The following MMP16 variants were observed in gnomAD, a reference collection of about 807,000 sequenced individuals.
The protein encoded by MMP16 is matrix metalloproteinase-16.
A neutral mutation model predicts 67.8 loss-of-function variants in MMP16; 12 were observed. The observed-to-expected ratio is 0.18, with a 90% confidence interval of 0.11 to 0.29. The LOEUF (loss-of-function observed/expected upper bound fraction) is 0.29, where lower values mean the gene tolerates loss of function less well. MMP16 is among the 10% of genes least tolerant of loss of function. MMP16 has a pLI of 1.00. For missense variants in MMP16, 475 were observed against 765.7 expected, an observed-to-expected ratio of 0.62 and a Z score of 4.48; for synonymous variants, 249 against 255.9, an observed-to-expected ratio of 0.97 and a Z score of 0.26.
At chr8:88,133,908 T>C (rs1720207476) in intron 4 of MMP16, among the ~76,000 whole-genome samples, 1 of 151,584 alleles carries the variant, frequency 6.6e-6, no homozygotes, top group South Asian at 2.1e-4. Flanking sequence ...TTGAAACATA[T>C]AAAAAATAAA....
chr8:88,240,168 T>G (rs1413910778), intron 1 of MMP16, among the ~76,000 whole-genome samples: 1 of 152,204 alleles, frequency 6.6e-6, no homozygotes, highest in Non-Finnish European at 1.5e-5. Context: ...CATGAACCCT[T>G]TCTGTGTCAT....
intron 1 of MMP16, among the ~76,000 whole-genome samples, chr8:88,296,064 A>G (rs1442770830): frequency 1.3e-5 from 2 of 152,242 alleles, no homozygotes; most frequent in Non-Finnish European, 2.9e-5. Context: ...AATAGAATAC[A>G]TAAGATGGTG....
intron 4 of MMP16, among the ~76,000 whole-genome samples, chr8:88,157,600 C>G (rs1808532449): frequency 6.6e-6 from 1 of 151,726 alleles, no homozygotes; most frequent in Non-Finnish European, 1.5e-5. Context: ...CTCCTCTATC[C>G]CACCACAGCG....
At chr8:88,314,792 T>C (rs1264888526) in intron 1 of MMP16, among the ~76,000 whole-genome samples, 2 of 152,174 alleles carry the variant, frequency 1.3e-5, no homozygotes, top group East Asian at 1.9e-4. Flanking sequence ...ACAGATCAGT[T>C]CTCAACTGCA....
intron 3 of MMP16, among the ~76,000 whole-genome samples, chr8:88,171,800 T>C (rs952975203): frequency 3.3e-5 from 5 of 151,954 alleles, no homozygotes; most frequent in African/African-American, 1.2e-4. Context: ...CTTATTTAAA[T>C]ATATATGATG....
chr8:88,266,554 G>A (rs775627148), intron 1 of MMP16, among the ~76,000 whole-genome samples: 1 of 152,100 alleles, frequency 6.6e-6, no homozygotes, highest in Admixed American at 6.6e-5. Flanking sequence ...AATCTTTATG[G>A]CATTGTACTT....
intron 6 of MMP16, among the ~76,000 whole-genome samples, chr8:88,091,363 C>A (rs1264496510): frequency 6.6e-6 from 1 of 151,714 alleles, no homozygotes; most frequent in Non-Finnish European, 1.5e-5. Flanking sequence ...GAAATTGTGA[C>A]CGTGAGGACA....
intron 1 of MMP16, among the ~76,000 whole-genome samples, chr8:88,282,779 T>C (rs1810762036): frequency 6.6e-6 from 1 of 152,216 alleles, no homozygotes; most frequent in Non-Finnish European, 1.5e-5. Flanking sequence ...AAATGCTTTT[T>C]GGCATTCTTC....
In MMP16 at chr8:88,265,223, C is replaced by CTTTTTTTTTTTTTT. The variant is rs398008661; in HGVS notation, c.132+61838_132+61851dup. Among the ~76,000 whole-genome samples, 11 of 100,760 alleles carry CTTTTTTTTTTTTTT rather than the reference C, an allele frequency of 1.1e-4. 1 individual carries two copies. Among genetic ancestry groups the CTTTTTTTTTTTTTT allele is most frequent in the South Asian group, 3.7e-4 (1 of 2,736 alleles). 66.1% of individuals were successfully genotyped at this position (100,760 alleles called of 152,430 possible). On this transcript the variant is annotated intron_variant, in intron 1 of 9. Coordinates refer to ENST00000286614, the MANE Select transcript of MMP16 (RefSeq NM_005941.5). The stretch of plus-strand genomic sequence containing the variant: ...AACTAAGGGTAGAAATGACCATTTC[C>CTTTTTTTTTTTTTT]TTTTTTTTTTTTTTTTTTTTCAGAT...
chr8:88,170,712 C>T (rs780744425), intron 3 of MMP16, among the ~76,000 whole-genome samples: 1 of 152,076 alleles, frequency 6.6e-6, no homozygotes, highest in Admixed American at 6.6e-5. Flanking sequence ...AGTTCAATGG[C>T]AGAAGGAGCC....
chr8:88,068,249 ATTGAG>A (rs1238603930), intron 7 of MMP16, among the ~76,000 whole-genome samples: 3 of 152,054 alleles, frequency 2.0e-5, no homozygotes, highest in Admixed American at 6.6e-5. Context: ...GTTCATTTTT[ATTGAG>A]TTGTTTGTTT....
chr8:88,237,733 G>A (rs1446066202), intron 1 of MMP16, among the ~76,000 whole-genome samples: 2 of 152,160 alleles, frequency 1.3e-5, no homozygotes, highest in East Asian at 3.9e-4. Flanking sequence ...AAGTATTTGT[G>A]AAAGAGGTTG....
chr8:88,201,390 C>T (rs1809343103), intron 1 of MMP16, among the ~76,000 whole-genome samples: 1 of 151,984 alleles, frequency 6.6e-6, no homozygotes, highest in Non-Finnish European at 1.5e-5. Context: ...TGTGGTATGG[C>T]AAATGCAAGT....
At chr8:88,070,727 A>C (rs1808538948) in intron 7 of MMP16, among the ~76,000 whole-genome samples, 4 of 152,062 alleles carry the variant, frequency 2.6e-5, no homozygotes, top group African/African-American at 9.7e-5. Flanking sequence ...AATTATTCAG[A>C]TGGGAAGCTA....
intron 4 of MMP16, among the ~76,000 whole-genome samples, chr8:88,119,961 A>G (rs1466402862): frequency 6.6e-6 from 1 of 151,960 alleles, no homozygotes; most frequent in Non-Finnish European, 1.5e-5. Flanking sequence ...TCAGAAGACT[A>G]TTTTTTGAAC....
chr8:88,095,484 A>G (rs1258256371), intron 6 of MMP16, among the ~76,000 whole-genome samples: 1 of 151,848 alleles, frequency 6.6e-6, no homozygotes, highest in East Asian at 2.0e-4. Flanking sequence ...CAGTTCAGGC[A>G]CAAAGTTGTA....
chr8:88,297,234 A>G (rs1445289586), intron 1 of MMP16, among the ~76,000 whole-genome samples: 1 of 152,156 alleles, frequency 6.6e-6, no homozygotes, highest in Non-Finnish European at 1.5e-5. Flanking sequence ...GTTAAAGGCA[A>G]TACAGTCCTA....
intron 1 of MMP16, among the ~76,000 whole-genome samples, chr8:88,268,275 G>C (rs1041332730): frequency 3.3e-5 from 5 of 152,178 alleles, no homozygotes; most frequent in Non-Finnish European, 5.9e-5. Context: ...CTGGGAGGTG[G>C]AGGTTGCAGT....
intron 7 of MMP16, among the ~76,000 whole-genome samples, chr8:88,065,902 T>C (rs1430200484): frequency 1.3e-5 from 2 of 152,124 alleles, no homozygotes; most frequent in Non-Finnish European, 2.9e-5. Flanking sequence ...CACCGAGTAT[T>C]TTAGACAACT....
Sources: gnomAD v4.1 joint callset for allele counts (sites outside exome capture counted in the v4.1 genomes callset) on GRCh38, gnomAD v4.1.1 for gene constraint, MANE v1.5 for transcripts, NCBI Gene and HGNC (gene_info 2026-07-23, HGNC 2026-07-21) for gene names.